The following BAZ2B variants were observed in gnomAD, a reference collection of about 807,000 sequenced individuals.
BAZ2B encodes the protein bromodomain adjacent to zinc finger domain 2B.
In BAZ2B, 91 loss-of-function variants were observed where a neutral mutation model predicts 246.0. The ratio of observed to expected loss-of-function variants is 0.37; its 90% CI spans 0.31 to 0.44. The LOEUF (loss-of-function observed/expected upper bound fraction) is 0.44. BAZ2B is among the 20% of genes least tolerant of loss of function. The pLI, the probability that BAZ2B is intolerant of heterozygous loss-of-function variation, is 1.00. For synonymous variants in BAZ2B, 855 were observed against 860.0 expected, an observed-to-expected ratio of 0.99 and a Z score of 0.10; for missense variants, 2,332 against 2,533.7, an observed-to-expected ratio of 0.92 and a Z score of 1.71.
chr2:159,685,138 T>C, the BAZ2B span, among the ~76,000 whole-genome samples: 1 of 152,212 alleles, frequency 6.6e-6, no homozygotes, highest in Non-Finnish European at 1.5e-5. Context: ...CATAGGTCTC[T>C]ATGCTTTTCA....
the BAZ2B span, among the ~76,000 whole-genome samples, chr2:159,669,212 A>AT: frequency 1.3e-5 from 2 of 150,740 alleles, no homozygotes; most frequent in African/African-American, 4.9e-5. Flanking sequence ...TCTTTGTCCT[A>AT]TTTTTTATTT....
chr2:159,636,514 A>G, the BAZ2B span, among the ~76,000 whole-genome samples: 1 of 152,174 alleles, frequency 6.6e-6, no homozygotes, highest in Non-Finnish European at 1.5e-5. Flanking sequence ...GACAGAGGGA[A>G]ATCACTCATC....
chr2:159,480,639 C>T (rs1053249909), intron 2 of BAZ2B, among the ~76,000 whole-genome samples: 2 of 151,926 alleles, frequency 1.3e-5, no homozygotes, highest in African/African-American at 4.8e-5. Flanking sequence ...ATATATACAA[C>T]GTTGTTTGCT....
intron 27 of BAZ2B, among the ~76,000 whole-genome samples, chr2:159,360,274 A>G (rs538738323): frequency 6.6e-6 from 1 of 152,328 alleles, no homozygotes; most frequent in East Asian, 1.9e-4. Flanking sequence ...TACAAAATCA[A>G]TGTGCAAAAA....
At chr2:159,683,484 C>G in the BAZ2B span, among the ~76,000 whole-genome samples, 1 of 152,200 alleles carries the variant, frequency 6.6e-6, no homozygotes, top group South Asian at 2.1e-4. Flanking sequence ...AAATATAGAA[C>G]AGTTCCATCA....
chr2:159,362,247 G>A (rs1385202398), intron 27 of BAZ2B, among the ~76,000 whole-genome samples: 2 of 152,142 alleles, frequency 1.3e-5, no homozygotes, highest in African/African-American at 4.8e-5. Flanking sequence ...CAGCAGGTCA[G>A]AAGGCCTTCA....
At chr2:159,690,267 T>C in the BAZ2B span, 1 of 348,518 alleles carries the variant, frequency 2.9e-6, no homozygotes, top group Non-Finnish European at 5.6e-6. Flanking sequence ...GCCACTTTCG[T>C]CTTGGCTCCC....
At chr2:159,675,364 T>G in the BAZ2B span, among the ~76,000 whole-genome samples, 1 of 152,122 alleles carries the variant, frequency 6.6e-6, no homozygotes, top group South Asian at 2.1e-4. Context: ...ATCCTCTGAT[T>G]CCTGAATCAT....
chr2:159,686,027 T>C, the BAZ2B span, among the ~76,000 whole-genome samples: 52 of 152,302 alleles, frequency 3.4e-4, no homozygotes, highest in African/African-American at 9.4e-4. Context: ...TTTGGGAGGC[T>C]GAGGCAGGAG....
chr2:159,495,176 C>CA (rs1044228983), intron 2 of BAZ2B, among the ~76,000 whole-genome samples: 5 of 151,892 alleles, frequency 3.3e-5, no homozygotes, highest in African/African-American at 9.7e-5. Flanking sequence ...TCTCATGCTC[C>CA]AAAAAATATA....
At chr2:159,525,122 G>C (rs1325399173) in intron 2 of BAZ2B, among the ~76,000 whole-genome samples, 3 of 152,116 alleles carry the variant, frequency 2.0e-5, no homozygotes, top group Admixed American at 2.0e-4. Context: ...TCAGAAAAAA[G>C]GTTTACGAAA....
intron 26 of BAZ2B, among the ~76,000 whole-genome samples, 153 bp from the exon 27 acceptor site, chr2:159,373,342 A>T (rs1037673162): frequency 6.6e-6 from 1 of 152,246 alleles, no homozygotes; most frequent in Non-Finnish European, 1.5e-5. Context: ...CCTGACTTCA[A>T]TTTCAGTAAC....
intron 1 of BAZ2B, among the ~76,000 whole-genome samples, chr2:159,559,451 A>G (rs1165582559): frequency 6.6e-6 from 1 of 152,240 alleles, no homozygotes; most frequent in African/African-American, 2.4e-5. Flanking sequence ...CAGGTATTAA[A>G]ACTATTGTAA....
At chr2:159,511,415 A>G (rs1002407747) in intron 2 of BAZ2B, among the ~76,000 whole-genome samples, 1 of 152,154 alleles carries the variant, frequency 6.6e-6, no homozygotes, top group Non-Finnish European at 1.5e-5. Context: ...CATGTTGGCA[A>G]GGCTGGTCTC....
chr2:159,584,402 G>A (rs544371382), intron 1 of BAZ2B, among the ~76,000 whole-genome samples: 6 of 152,278 alleles, frequency 3.9e-5, no homozygotes, highest in African/African-American at 1.4e-4. Flanking sequence ...TTACAGGCGT[G>A]AGCCACTGTG....
intron 1 of BAZ2B, among the ~76,000 whole-genome samples, chr2:159,610,001 G>A (rs369178051): frequency 6.6e-6 from 1 of 152,282 alleles, no homozygotes; most frequent in South Asian, 2.1e-4. Context: ...CATGTTAGCT[G>A]TGTTAAGGAT....
intron 13 of BAZ2B, among the ~76,000 whole-genome samples, chr2:159,426,822 G>A (rs547735537): frequency 1.4e-3 from 219 of 152,182 alleles, no homozygotes; most frequent in African/African-American, 5.1e-3. Flanking sequence ...TACAGAATGA[G>A]GGAGACCTTT....
At chr2:159,587,484 A>G (rs1218353911) in intron 1 of BAZ2B, among the ~76,000 whole-genome samples, 1 of 152,152 alleles carries the variant, frequency 6.6e-6, no homozygotes. Context: ...CACTTTTTAC[A>G]TCTGGACATA....
the BAZ2B span, among the ~76,000 whole-genome samples, chr2:159,683,040 A>G: frequency 2.0e-5 from 3 of 151,322 alleles, no homozygotes; most frequent in Admixed American, 2.0e-4. Context: ...CATTTCCCCC[A>G]TGGAGCATTA....
Sources: allele counts gnomAD v4.1 joint callset (sites outside exome capture counted in the v4.1 genomes callset), GRCh38; gene constraint gnomAD v4.1.1; transcripts MANE v1.5; gene names NCBI Gene and HGNC (gene_info 2026-07-23, HGNC 2026-07-21).